GPC3: variants seen among roughly 807,000 people sequenced by gnomAD.
GPC3 encodes glypican 3.
GPC3 carries 3 observed loss-of-function variants against 34.4 expected under a neutral mutation model. The observed-to-expected ratio is 0.09, with a 90% CI of 0.04 to 0.23. GPC3 has a LOEUF of 0.23. Ranked by LOEUF, GPC3 falls within the 10% of genes least tolerant of loss-of-function variation. The pLI, the probability that GPC3 is intolerant of heterozygous loss-of-function variation, is 1.00. For synonymous variants in GPC3, 177 were observed against 174.0 expected, an observed-to-expected ratio of 1.02 and a Z score of -0.13; for missense variants, 351 against 445.6, an observed-to-expected ratio of 0.79 and a Z score of 1.91.
At chrX:133,834,005 C>T (rs1411983093) in intron 2 of GPC3, among the ~76,000 whole-genome samples, 3 of 111,688 alleles carry the variant, frequency 2.7e-5, no homozygotes, top group African/African-American at 9.8e-5. Flanking sequence ...TACTCACACA[C>T]AGTTTTTTCC....
chrX:133,728,421 T>G (rs766475775), intron 3 of GPC3, among the ~76,000 whole-genome samples: 1 of 112,013 alleles, frequency 8.9e-6, no homozygotes, highest in Admixed American at 9.4e-5. Context: ...AGAATTTAGA[T>G]AGGAAACACA....
At chrX:133,908,343 A>C (rs1428775368) in intron 2 of GPC3, among the ~76,000 whole-genome samples, 1 of 111,191 alleles carries the variant, frequency 9.0e-6, no homozygotes, top group African/African-American at 3.3e-5. Flanking sequence ...GTCCCATGCT[A>C]GGTCTTGTGG....
intron 6 of GPC3, among the ~76,000 whole-genome samples, chrX:133,627,682 T>C (rs767450182): frequency 8.9e-5 from 10 of 112,705 alleles, no homozygotes; most frequent in Non-Finnish European, 1.9e-4. Flanking sequence ...TAAAGGCTTA[T>C]ATGTTTTGAT....
intron 5 of GPC3, among the ~76,000 whole-genome samples, chrX:133,673,247 A>G (rs1186196533): frequency 1.8e-5 from 2 of 112,584 alleles, no homozygotes; most frequent in African/African-American, 6.5e-5. Context: ...CTCTTTACCT[A>G]TTTTTAAGTT....
chrX:133,669,567 T>C (rs747574273), intron 5 of GPC3, among the ~76,000 whole-genome samples: 2 of 112,328 alleles, frequency 1.8e-5, no homozygotes, highest in African/African-American at 6.5e-5. Context: ...ATTCTTCTTA[T>C]CCACAGACTG....
intron 2 of GPC3, among the ~76,000 whole-genome samples, chrX:133,827,781 T>C (rs1349293088): frequency 3.8e-5 from 4 of 106,329 alleles, no homozygotes; most frequent in Non-Finnish European, 5.8e-5. Context: ...AGACTCCATC[T>C]CAAAGAAAAA....
At chrX:133,841,663 T>C (rs972786398) in intron 2 of GPC3, among the ~76,000 whole-genome samples, 3 of 111,519 alleles carry the variant, frequency 2.7e-5, no homozygotes, top group African/African-American at 9.8e-5. Context: ...CCTGTGATGG[T>C]TAATACTGAG....
intron 3 of GPC3, among the ~76,000 whole-genome samples, chrX:133,701,375 G>A (rs2071166185): frequency 8.9e-6 from 1 of 111,988 alleles, no homozygotes; most frequent in African/African-American, 3.2e-5. Context: ...CAGAAAAACA[G>A]TGGACTCACT....
intron 2 of GPC3, among the ~76,000 whole-genome samples, chrX:133,891,877 C>A (rs2076089566): frequency 9.2e-6 from 1 of 108,377 alleles, no homozygotes; most frequent in African/African-American, 3.3e-5. Context: ...TTTAAAGTAA[C>A]TAAAATTAAT....
intron 2 of GPC3, among the ~76,000 whole-genome samples, chrX:133,755,719 T>TTTTGTTTG (rs200214750): frequency 8.9e-5 from 10 of 111,863 alleles, no homozygotes; most frequent in South Asian, 3.7e-4. Context: ...CACTTGGTTT[T>TTTTGTTTG]TTTGTTTGTT....
intron 5 of GPC3, among the ~76,000 whole-genome samples, chrX:133,676,826 C>T (rs2070887900): frequency 9.0e-6 from 1 of 111,644 alleles, no homozygotes; most frequent in African/African-American, 3.3e-5. Flanking sequence ...CAAAATTTAC[C>T]CAAGCCCTCT....
rs1211890549 is a variant in GPC3, at chrX:133,753,548, A to G, written c.966T>C (p.Gly322=). 3 of 1,208,503 alleles carry G rather than the reference A, an allele frequency of 2.5e-6. No individual in the cohort carries two copies. The highest frequency in any genetic ancestry group is 3.5e-5 in the African/African-American group (2 of 57,114). Residue 322 remains glycine (G), a synonymous_variant, in exon 3 of 8, where the codon GGT becomes GGC. Coordinates refer to ENST00000370818, the MANE Select transcript of GPC3 (RefSeq NM_004484.4). ...RIYDMENVLL[G]LFSTIHDSIQ... ...TAGAATCATGGATTGTTGAAAAGAGACCAAGCAGTACGTTCTCCATGTCAT... is the reference window on the plus strand; with the variant it reads ...TAGAATCATGGATTGTTGAAAAGAGGCCAAGCAGTACGTTCTCCATGTCAT...
At chrX:133,686,278 C>T (rs920167652) in intron 5 of GPC3, among the ~76,000 whole-genome samples, 1 of 110,882 alleles carries the variant, frequency 9.0e-6, no homozygotes, top group East Asian at 2.8e-4. Flanking sequence ...GGATGGGAGG[C>T]CTATAGGTTT....
intron 6 of GPC3, among the ~76,000 whole-genome samples, chrX:133,597,007 G>C (rs900590545): frequency 6.3e-5 from 7 of 110,918 alleles, no homozygotes; most frequent in Non-Finnish European, 1.1e-4. Context: ...CAAATTTACA[G>C]TCACTAAATT....
intron 1 of GPC3, among the ~76,000 whole-genome samples, chrX:133,967,439 G>A (rs2076468773): frequency 9.0e-6 from 1 of 111,131 alleles, no homozygotes; most frequent in Admixed American, 9.6e-5. Context: ...CCCAGTGTGG[G>A]CTCCAAGAGG....
chrX:133,682,966 CAAA>C (rs751037276), intron 5 of GPC3, among the ~76,000 whole-genome samples: 9 of 50,225 alleles, frequency 1.8e-4, no homozygotes, highest in Admixed American at 4.8e-4. Flanking sequence ...GACTCTGACT[CAAA>C]AAAAAAAAAA....
Position 133,744,162 on chromosome X carries a change from T to C in GPC3, c.1032+9320A>G, listed in dbSNP as rs1391545581. ...GACAACAAAAGCCAAAATTGACATA[T>C]GGGATCTAATTAAACTAAAGAGCTT... On this transcript the variant is annotated intron_variant, in intron 3 of 7. Coordinates refer to ENST00000370818, the MANE Select transcript of GPC3 (RefSeq NM_004484.4). 2.6e-4 allele frequency among the ~76,000 whole-genome samples: 29 copies of C among 111,846 alleles called. No individual in the cohort carries two copies. In the Admixed American group the frequency reaches 2.8e-3, roughly 11 times the overall value.
intron 6 of GPC3, among the ~76,000 whole-genome samples, chrX:133,605,261 T>C (rs2070036320): frequency 9.0e-6 from 1 of 111,365 alleles, no homozygotes; most frequent in Non-Finnish European, 1.9e-5. Context: ...GCCTACTTAC[T>C]AGCTGTGTGA....
At chrX:133,571,095 A>G (rs2069624650) in intron 7 of GPC3, among the ~76,000 whole-genome samples, 1 of 112,170 alleles carries the variant, frequency 8.9e-6, no homozygotes, top group Non-Finnish European at 1.9e-5. Flanking sequence ...GGTTGATCAT[A>G]ATATTTTTAT....
Sources: gnomAD v4.1 joint callset for allele counts (sites outside exome capture counted in the v4.1 genomes callset) on GRCh38, gnomAD v4.1.1 for gene constraint, MANE v1.5 for transcripts, NCBI Gene and HGNC (gene_info 2026-07-23, HGNC 2026-07-21) for gene names.